Variants in FOCAD observed in about 807,000 individuals in gnomAD.
FOCAD encodes the protein KIAA1797.
Under a neutral mutation model 225.6 loss-of-function variants are expected in FOCAD, and 198 were observed. The observed-to-expected ratio is 0.88, with a 90% CI of 0.78 to 0.99. FOCAD has a LOEUF of 0.99. Among genes scored for constraint, FOCAD ranks in the 50% least tolerant of loss-of-function variants. The pLI, the probability that FOCAD is intolerant of heterozygous loss-of-function variation, is 0.00. For missense variants in FOCAD, 2,713 were observed against 2,123.6 expected, an observed-to-expected ratio of 1.28 and a Z score of -5.46; for synonymous variants, 897 against 755.0, an observed-to-expected ratio of 1.19 and a Z score of -3.08.
At chr9:20,708,964 T>C (rs1824613220) in intron 1 of FOCAD, among the ~76,000 whole-genome samples, 1 of 152,180 alleles carries the variant, frequency 6.6e-6, no homozygotes, top group Non-Finnish European at 1.5e-5. Context: ...GTTTTCATAA[T>C]TGTTAGATTT....
At chr9:20,856,166 AACTCCATAGTCT>A (rs1828159153) in intron 15 of FOCAD, among the ~76,000 whole-genome samples, 1 of 151,788 alleles carries the variant, frequency 6.6e-6, no homozygotes, top group Non-Finnish European at 1.5e-5. Flanking sequence ...TTTTTGAGAA[AACTCCATAGTCT>A]TCTCCATAGT....
rs962990495 is a variant in FOCAD, at chr9:20,989,116, A to G, written c.5004+687A>G. ...CAGCTGTGCATTTTGTAATAGCAGA[A>G]TTTTTTTTCTGTAGGCATGCTTCAT... On this transcript the variant is annotated intron_variant, in intron 41 of 43. Transcript: ENST00000338382. 2.0e-5 allele frequency among the ~76,000 whole-genome samples: 3 copies of G among 151,858 alleles called. 1 individual carries two copies. Among genetic ancestry groups the G allele is most frequent in the Non-Finnish European group, 4.4e-5 (3 of 67,956 alleles).
At chr9:20,726,743 TTCTTGTCTCTCAGGGTCTTC>T (rs1826230718) in intron 4 of FOCAD, among the ~76,000 whole-genome samples, 1 of 152,122 alleles carries the variant, frequency 6.6e-6, no homozygotes. Flanking sequence ...ATGGAGAAAA[TTCTTGTCTCTCAGGGTCTTC>T]TCTTTTATTG....
intron 1 of FOCAD, among the ~76,000 whole-genome samples, chr9:20,690,859 A>C (rs1822929701): frequency 6.6e-6 from 1 of 150,710 alleles, no homozygotes; most frequent in Non-Finnish European, 1.5e-5. Context: ...ATTTTCCTAA[A>C]TCTAAAGGTC....
chr9:20,753,739 A>G (rs900949969), intron 5 of FOCAD, among the ~76,000 whole-genome samples: 3 of 151,980 alleles, frequency 2.0e-5, no homozygotes, highest in Non-Finnish European at 4.4e-5. Context: ...GGACATGGCT[A>G]CATAACAGTA....
intron 24 of FOCAD, among the ~76,000 whole-genome samples, chr9:20,917,199 C>T (rs1260515742): frequency 6.6e-6 from 1 of 151,730 alleles, no homozygotes; most frequent in Non-Finnish European, 1.5e-5. Context: ...TGCTGTATAC[C>T]TAACAGATGA....
At chr9:20,866,603 T>C (rs1829280537) in intron 17 of FOCAD, among the ~76,000 whole-genome samples, 2 of 152,062 alleles carry the variant, frequency 1.3e-5, no homozygotes, top group Admixed American at 6.6e-5. Flanking sequence ...CCATTTTTAA[T>C]TGGGCATATT....
At chr9:20,926,522 G>T (rs940888035) in intron 26 of FOCAD, 105 bp downstream of exon 26, 2 of 714,304 alleles carry the variant, frequency 2.8e-6, no homozygotes, top group Admixed American at 4.1e-5. Context: ...GGTGGCTCAC[G>T]CCTGTAATCC....
chr9:20,674,873 A>G (rs961331873), intron 2 of FOCAD, among the ~76,000 whole-genome samples: 10 of 152,346 alleles, frequency 6.6e-5, no homozygotes, highest in African/African-American at 2.2e-4. Context: ...GATTCCTTCA[A>G]AATTTCCCCC....
At chr9:20,818,868 C>G (rs1420070173) in intron 11 of FOCAD, among the ~76,000 whole-genome samples, 1 of 152,076 alleles carries the variant, frequency 6.6e-6, no homozygotes, top group Non-Finnish European at 1.5e-5. Flanking sequence ...TGCTTTTACA[C>G]ATGCGTTTAT....
At chr9:20,704,666 A>C (rs1824235245) in intron 1 of FOCAD, among the ~76,000 whole-genome samples, 1 of 152,212 alleles carries the variant, frequency 6.6e-6, no homozygotes, top group South Asian at 2.1e-4. Flanking sequence ...CTCTTTTCAT[A>C]AAGCGTTGGT....
intron 4 of FOCAD, among the ~76,000 whole-genome samples, chr9:20,739,727 G>T (rs1280645885): frequency 6.6e-6 from 1 of 151,806 alleles, no homozygotes; most frequent in Non-Finnish European, 1.5e-5. Context: ...TTTCTGATAT[G>T]TTTATCCTCT....
At chr9:20,823,701 A>G (rs924913083) in intron 15 of FOCAD, among the ~76,000 whole-genome samples, 1 of 152,122 alleles carries the variant, frequency 6.6e-6, no homozygotes, top group African/African-American at 2.4e-5. Context: ...TCATTGACCT[A>G]ACCAAAGGTT....
Position 20,715,414 on chromosome 9 carries a change from ATTTT to A in FOCAD, c.57+5_57+8del. 1 of 1,495,564 alleles carries A rather than the reference ATTTT, an allele frequency of 6.7e-7. No homozygotes were observed. The highest frequency in any genetic ancestry group is 9.0e-7 in the Non-Finnish European group (1 of 1,113,172). The allele number at this position is 1,495,564 out of a possible 1,614,324, so 92.6% of individuals were successfully genotyped here. ...AAATTCTCTTATCCAATCACAGGTAATTTTGTTTGTTTATTTTTGCTCATGGTAA... is the reference window on the plus strand; with the variant it reads ...AAATTCTCTTATCCAATCACAGGTAAGTTTGTTTATTTTTGCTCATGGTAA... On this transcript the variant is annotated splice_donor_5th_base_variant and intron_variant, in intron 2 of 43. Transcript: ENST00000338382.
intron 15 of FOCAD, among the ~76,000 whole-genome samples, chr9:20,845,788 A>G (rs1395331128): frequency 1.3e-5 from 2 of 151,976 alleles, no homozygotes; most frequent in African/African-American, 4.8e-5. Flanking sequence ...GTGTCTTCAT[A>G]TTTGTTTTGG....
intron 24 of FOCAD, among the ~76,000 whole-genome samples, chr9:20,917,222 C>G (rs1361115966): frequency 6.6e-6 from 1 of 151,132 alleles, no homozygotes; most frequent in Non-Finnish European, 1.5e-5. Context: ...TGTGCTTTGG[C>G]TTAAACTTAA....
chr9:20,750,881 T>C (rs1012356436), intron 5 of FOCAD, among the ~76,000 whole-genome samples: 3 of 152,190 alleles, frequency 2.0e-5, no homozygotes, highest in Admixed American at 2.0e-4. Flanking sequence ...TTTAATACTT[T>C]TTGCCTTTAC....
intron 18 of FOCAD, among the ~76,000 whole-genome samples, chr9:20,871,882 C>T (rs1386028763): frequency 4.2e-5 from 6 of 144,444 alleles, no homozygotes; most frequent in South Asian, 2.2e-4. Context: ...ACATTGTGCA[C>T]ATGTACCCTA....
At chr9:20,737,305 A>T (rs1827225831) in intron 4 of FOCAD, among the ~76,000 whole-genome samples, 1 of 152,224 alleles carries the variant, frequency 6.6e-6, no homozygotes, top group African/African-American at 2.4e-5. Context: ...CACCATAAAA[A>T]CCATAGATCT....
Sources: gnomAD v4.1 joint callset for allele counts (sites outside exome capture counted in the v4.1 genomes callset) on GRCh38, gnomAD v4.1.1 for gene constraint, MANE v1.5 for transcripts, NCBI Gene and HGNC (gene_info 2026-07-23, HGNC 2026-07-21) for gene names.